CTNNA3: variants seen among roughly 807,000 people sequenced by gnomAD.
The protein encoded by CTNNA3 is catenin alpha-3.
In CTNNA3, 76 loss-of-function variants were observed where a neutral mutation model predicts 95.7. That is an observed-to-expected ratio of 0.79 (90% CI 0.66 to 0.96). The LOEUF is 0.96. CTNNA3 is among the 40% of genes least tolerant of loss of function. CTNNA3 has a pLI of 0.00. For synonymous variants in CTNNA3, 431 were observed against 374.4 expected (o/e 1.15, Z -1.74); for missense variants, 1,191 against 1,089.8 (o/e 1.09, Z -1.31).
chr10:67,641,600 A>G (rs1333260743), intron 2 of CTNNA3, among the ~76,000 whole-genome samples: 1 of 152,206 alleles, frequency 6.6e-6, no homozygotes, highest in African/African-American at 2.4e-5. Context: ...AAGACTTGGA[A>G]CCAACCCAAA....
At chr10:66,239,951 A>G (rs2090030533) in intron 13 of CTNNA3, among the ~76,000 whole-genome samples, 1 of 151,930 alleles carries the variant, frequency 6.6e-6, no homozygotes, top group African/African-American at 2.4e-5. Flanking sequence ...TTTTATCTAT[A>G]CCATATAGAT....
At chr10:67,498,649 C>T (rs1409910773) in intron 5 of CTNNA3, among the ~76,000 whole-genome samples, 1 of 152,168 alleles carries the variant, frequency 6.6e-6, no homozygotes, top group Non-Finnish European at 1.5e-5. Context: ...AGGTCCTTCA[C>T]ATCCCTTGTA....
chr10:66,509,500 T>C (rs1408545683), intron 11 of CTNNA3, among the ~76,000 whole-genome samples: 1 of 152,092 alleles, frequency 6.6e-6, no homozygotes, highest in Admixed American at 6.6e-5. Flanking sequence ...ATAGTTTCAG[T>C]CTGATATTTA....
chr10:66,945,237 C>T (rs1848217205), intron 7 of CTNNA3, among the ~76,000 whole-genome samples: 1 of 152,200 alleles, frequency 6.6e-6, no homozygotes, highest in East Asian at 1.9e-4. Context: ...GTGTAACCAC[C>T]TTCATCAATT....
chr10:66,086,088 AG>A (rs1234539251), intron 14 of CTNNA3, among the ~76,000 whole-genome samples: 3 of 152,092 alleles, frequency 2.0e-5, no homozygotes, highest in African/African-American at 7.2e-5. Flanking sequence ...GTGAATTTGG[AG>A]GGGGAACATC....
intron 1 of CTNNA3, among the ~76,000 whole-genome samples, chr10:67,679,927 T>G (rs2133566498): frequency 6.6e-6 from 1 of 152,308 alleles, no homozygotes; most frequent in Admixed American, 6.5e-5. Context: ...ACTGCAGAAT[T>G]GTTTGTAGCA....
intron 14 of CTNNA3, among the ~76,000 whole-genome samples, chr10:66,090,824 A>T (rs1375172987): frequency 6.6e-6 from 1 of 152,026 alleles, no homozygotes; most frequent in East Asian, 1.9e-4. Context: ...TATATAGCCT[A>T]AACAACTTAT....
At chr10:66,154,719 CATATAT>C (rs569694429) in intron 13 of CTNNA3, among the ~76,000 whole-genome samples, 19 of 74,814 alleles carry the variant, frequency 2.5e-4, no homozygotes, top group Non-Finnish European at 3.4e-4. Flanking sequence ...TGAAAAAGTT[CATATAT>C]ATATATATAT....
chr10:67,023,869 T>A (rs995599021), intron 7 of CTNNA3, among the ~76,000 whole-genome samples: 2 of 152,214 alleles, frequency 1.3e-5, no homozygotes, highest in African/African-American at 4.8e-5. Context: ...TCAGGTAGAA[T>A]GACACTCAAT....
chr10:67,111,021 G>A (rs145293370), intron 7 of CTNNA3, among the ~76,000 whole-genome samples: 4 of 152,230 alleles, frequency 2.6e-5, no homozygotes, highest in Middle Eastern at 3.4e-3. Flanking sequence ...GGGAGTAAGC[G>A]AAGAACAGTT....
chr10:66,325,667 C>G (rs1589089116), intron 12 of CTNNA3, among the ~76,000 whole-genome samples: 1 of 150,284 alleles, frequency 6.7e-6, no homozygotes, highest in East Asian at 2.0e-4. Context: ...CAGCTCTAAC[C>G]AAGTCATAAG....
rs181514779 is a variant in CTNNA3 at position 66,503,658 on chromosome 10, G to A, written c.1531+16959C>T. On this transcript the variant is annotated intron_variant, in intron 11 of 17. Transcript: ENST00000433211. ...TAATTTTTGTGTTTTTAGTAGAGAC[G>A]GGGTTTCACCATGTTGACCAGGCTG... Among the ~76,000 whole-genome samples, 134 of 152,030 alleles carry A rather than the reference G, an allele frequency of 8.8e-4. 1 individual carries two copies. Among genetic ancestry groups the A allele is most frequent in the African/African-American group, 2.9e-3 (122 of 41,474 alleles).
chr10:67,604,031 G>T (rs1019460347), intron 3 of CTNNA3, among the ~76,000 whole-genome samples: 1 of 151,970 alleles, frequency 6.6e-6, no homozygotes, highest in Non-Finnish European at 1.5e-5. Context: ...AATACTTACC[G>T]CTATGTTATA....
chr10:67,747,052 T>C (rs919861185), intron 1 of CTNNA3, among the ~76,000 whole-genome samples: 44 of 152,162 alleles, frequency 2.9e-4, no homozygotes, highest in African/African-American at 9.9e-4. Context: ...CCCTGACACA[T>C]CCCTCCTCAC....
rs1299999155 is a variant in CTNNA3 at position 66,957,404 on chromosome 10, A to G, written c.1048-181880T>C. ...TGTGTATATATATACATATATATAT[A>G]TATATATATGCATATATATATATGC... On this transcript the variant is annotated intron_variant, in intron 7 of 17. Transcript: ENST00000433211. Among the ~76,000 whole-genome samples the G allele has an allele frequency of 5.2e-4, 17 of 32,850 alleles. No homozygotes were observed. In the East Asian group the frequency reaches 7.6e-3, roughly 15 times the overall value. The allele number at this position is 32,850 out of a possible 152,430, so 21.6% of individuals were successfully genotyped here.
At chr10:66,364,852 A>G (rs10997093) in intron 12 of CTNNA3, among the ~76,000 whole-genome samples, 57,596 of 152,008 alleles carry the variant, frequency 0.38, 11,968 homozygotes, top group Non-Finnish European at 0.47. Context: ...TACTTATGGC[A>G]ATGGTTACAG....
intron 7 of CTNNA3, among the ~76,000 whole-genome samples, chr10:66,866,935 GT>G (rs1177826075): frequency 6.6e-6 from 1 of 152,082 alleles, no homozygotes; most frequent in East Asian, 1.9e-4. Context: ...CATAGAGGTG[GT>G]TTCCTCCATA....
chr10:66,720,527 G>A (rs1254347645), intron 9 of CTNNA3, among the ~76,000 whole-genome samples: 1 of 152,110 alleles, frequency 6.6e-6, no homozygotes. Context: ...ACAGAAGGAA[G>A]GTAGGCAAAG....
rs1847145054 is a variant in CTNNA3, at chr10:66,927,509, G to A, written c.1048-151985C>T. 1 of 1,614,128 alleles carries A rather than the reference G, an allele frequency of 6.2e-7. No homozygotes were observed. The highest frequency in any genetic ancestry group is 8.5e-7 in the Non-Finnish European group (1 of 1,180,042). ...TATAACCGGATCCGAAGTTTAGCCA[G>A]GAATGTCTTTGCTGGCATGATCAGA... is the stretch of plus-strand genomic sequence containing the variant. On this transcript the variant is annotated intron_variant, in intron 7 of 17. Transcript: ENST00000433211. This position sits in a 1 kb window ranked among gnomAD's most constrained non-coding sequence, Gnocchi z 4.7.
Sources: gnomAD v4.1 joint callset for allele counts (sites outside exome capture counted in the v4.1 genomes callset) on GRCh38, gnomAD v4.1.1 for gene constraint, Gnocchi (gnomAD v3.1) non-coding constraint, MANE v1.5 for transcripts, NCBI Gene and HGNC (gene_info 2026-07-23, HGNC 2026-07-21) for gene names.